The following PRRC2C variants were observed in gnomAD, a reference collection of about 807,000 sequenced individuals.
PRRC2C encodes the protein proline rich coiled-coil 2C, also known as protein PRRC2C.
PRRC2C carries 72 observed loss-of-function variants against 317.2 expected under a neutral mutation model. The ratio of observed to expected loss-of-function variants is 0.23; its 90% CI spans 0.19 to 0.28. The LOEUF (loss-of-function observed/expected upper bound fraction) is 0.28. PRRC2C is among the 10% of genes least tolerant of loss of function. PRRC2C has a pLI of 1.00. For synonymous variants in PRRC2C, 1,296 were observed against 1,205.9 expected (o/e 1.07, Z -1.55); for missense variants, 3,074 against 3,459.7 (o/e 0.89, Z 2.80).
chr1:171,532,457 A>G lies in PRRC2C; in HGVS notation c.1369A>G (p.Ile457Val), dbSNP rs1228395876. 3 of 1,613,864 alleles carry G rather than the reference A, an allele frequency of 1.9e-6. No homozygotes were observed. The highest frequency in any genetic ancestry group is 1.1e-5 in the South Asian group (1 of 91,010). The change falls in exon 12 of 35, where the codon ATT becomes GTT. Residue 457 changes from isoleucine (I) to valine (V), a missense_variant. Coordinates refer to ENST00000647382, the MANE Select transcript of PRRC2C (RefSeq NM_001387844.1). ...GCAAAGACGAAGACAACAATCAGAAATTTCTGCAGCAGTAGAACGTGCTCG... is the reference window on the plus strand; with the variant it reads ...GCAAAGACGAAGACAACAATCAGAAGTTTCTGCAGCAGTAGAACGTGCTCG... ...WKQRRRQQSE[I>V]SAAVERARKR...
intron 22 of PRRC2C, among the ~76,000 whole-genome samples, chr1:171,567,459 A>G (rs925066118): frequency 5.9e-5 from 9 of 152,182 alleles, no homozygotes; most frequent in African/African-American, 9.7e-5. Flanking sequence ...GTTACATGCA[A>G]TTTTTTATAT....
At chr1:171,493,022 T>C (rs1667460762) in intron 1 of PRRC2C, among the ~76,000 whole-genome samples, 1 of 151,908 alleles carries the variant, frequency 6.6e-6, no homozygotes, top group African/African-American at 2.4e-5. Flanking sequence ...GTGCTGGGAT[T>C]ACAAGGCGTG....
intron 1 of PRRC2C, among the ~76,000 whole-genome samples, chr1:171,499,512 C>T (rs138211788): frequency 6.2e-4 from 94 of 152,212 alleles, no homozygotes; most frequent in African/African-American, 1.7e-3. Flanking sequence ...AGAGATGGGC[C>T]GGGCACGGTG....
intron 1 of PRRC2C, among the ~76,000 whole-genome samples, chr1:171,486,198 T>G (rs956585100): frequency 1.3e-5 from 2 of 149,878 alleles, no homozygotes; most frequent in African/African-American, 4.9e-5. Context: ...TACCTCTTCC[T>G]GTGTAGTGAG....
At chr1:171,562,098 G>C (rs1274846984) in intron 20 of PRRC2C, among the ~76,000 whole-genome samples, 1 of 152,166 alleles carries the variant, frequency 6.6e-6, no homozygotes, top group East Asian at 1.9e-4. Flanking sequence ...TTTAATATAG[G>C]GTGACCACGA....
At chr1:171,577,924 C>G (rs961372479) in intron 26 of PRRC2C, among the ~76,000 whole-genome samples, 2 of 148,720 alleles carry the variant, frequency 1.3e-5, no homozygotes, top group African/African-American at 2.5e-5. Context: ...GCCACAGGAG[C>G]ACACCACCAC....
chr1:171,535,534 T>C lies in PRRC2C; in HGVS notation c.1980T>C (p.Ala660=). The C allele has an allele frequency of 1.2e-6, 2 of 1,614,036 alleles. No homozygotes were observed. The highest frequency in any genetic ancestry group is 1.7e-6 in the Non-Finnish European group (2 of 1,179,886). ...EPESGSQPRP[A]VLSGYFKQFQ... ...AATCAGGGTCTCAACCTCGGCCGGC[T>C]GTATTATCTGGCTATTTCAAACAGT... Residue 660 remains alanine (A), a synonymous_variant, in exon 13 of 35, where the codon GCT becomes GCC. Coordinates refer to ENST00000647382, the MANE Select transcript of PRRC2C (RefSeq NM_001387844.1).
chr1:171,527,913 A>G lies in PRRC2C; in HGVS notation c.1254+69A>G, dbSNP rs945916954. 3 of 1,326,000 alleles carry G rather than the reference A, an allele frequency of 2.3e-6. No individual in the cohort carries two copies. In the African/African-American group the frequency reaches 4.4e-5, roughly 20 times the overall value. 82.1% of individuals were successfully genotyped at this position (1,326,000 alleles called of 1,614,324 possible). A position where few individuals can be genotyped will look rare whatever the true frequency, so the allele number is the denominator to read the frequency against. ...CCTTTTGTTTTGGTGGAAAGACACC[A>G]AATTTTTTATTCAAAACTTTTATGA... On this transcript the variant is annotated intron_variant, in intron 11 of 34. Transcript: ENST00000647382.
intron 17 of PRRC2C, among the ~76,000 whole-genome samples, chr1:171,547,806 G>A (rs1009676548): frequency 6.6e-6 from 1 of 151,852 alleles, no homozygotes; most frequent in South Asian, 2.1e-4. Flanking sequence ...ACCATGCCCA[G>A]CTAATTTTTT....
intron 15 of PRRC2C, among the ~76,000 whole-genome samples, chr1:171,538,942 G>A (rs550475744): frequency 6.6e-6 from 1 of 151,498 alleles, no homozygotes; most frequent in South Asian, 2.1e-4. Context: ...AACTCCTGGG[G>A]CCCTAGTGAT....
intron 5 of PRRC2C, among the ~76,000 whole-genome samples, chr1:171,516,314 G>A (rs4916394): frequency 0.81 from 122,614 of 152,164 alleles, 49,527 homozygotes; most frequent in Middle Eastern, 0.9. Context: ...AAATAAAAGT[G>A]TAAAATGTTC....
Position 171,557,923 on chromosome 1 carries a change from G to T in PRRC2C, c.5811G>T (p.Gln1937His), listed in dbSNP as rs1262748954. ...APPAPAQTQA[Q>H]THKPVQNPLQ... ...CTGCCCCAGCCCAGACTCAGGCACA[G>T]ACCCACAAACCAGTCCAGAATCCAC... Residue 1937 changes from glutamine to histidine, a missense_variant, in exon 19 of 35, where the codon CAG (glutamine) becomes CAT (histidine). Coordinates refer to ENST00000647382, the MANE Select transcript of PRRC2C (RefSeq NM_001387844.1). The T allele has an allele frequency of 3.9e-6, 6 of 1,534,592 alleles. No homozygotes were observed. The highest frequency in any genetic ancestry group is 2.0e-5 in the Admixed American group (1 of 50,514).
chr1:171,542,679 C>T (rs1217529818), intron 16 of PRRC2C, among the ~76,000 whole-genome samples: 1 of 152,194 alleles, frequency 6.6e-6, no homozygotes, highest in Non-Finnish European at 1.5e-5. Context: ...GTTCTACTAC[C>T]AAGGACACCA....
rs778136631 is a variant in PRRC2C at position 171,591,699 on chromosome 1, A to G, written c.8549A>G (p.Lys2850Arg). 11 of 1,613,738 alleles carry G rather than the reference A, an allele frequency of 6.8e-6. No homozygotes were observed. Among genetic ancestry groups the G allele is most frequent in the Admixed American group, 1.7e-5 (1 of 59,976 alleles). Residue 2850 changes from lysine (K) to arginine (R), a missense_variant, in exon 35 of 35, where the codon AAA (lysine) becomes AGA (arginine). Physicochemically the swap from Lys to Arg is conservative, Grantham distance 26 (BLOSUM62 2). Transcript: ENST00000647382. ...KAQKVDSDSSKPPETLTDPPG... is the reference protein window; with the variant it reads ...KAQKVDSDSSRPPETLTDPPG... ...CAGAAAGTGGACAGTGATTCAAGTA[A>G]ACCTCCTGAAACACTGACCGACCCT...
chr1:171,562,246 G>C (rs888600282), intron 20 of PRRC2C, among the ~76,000 whole-genome samples: 3 of 152,170 alleles, frequency 2.0e-5, no homozygotes, highest in African/African-American at 4.8e-5. Flanking sequence ...CACTTGGTTT[G>C]TTTGAGGAAG....
intron 1 of PRRC2C, among the ~76,000 whole-genome samples, chr1:171,506,364 T>G (rs1469277754): frequency 6.6e-6 from 1 of 152,264 alleles, no homozygotes; most frequent in Admixed American, 6.5e-5. Context: ...CTTGTTACTT[T>G]TAAGATTTTC....
intron 17 of PRRC2C, among the ~76,000 whole-genome samples, chr1:171,546,772 T>C (rs1679192973): frequency 6.6e-6 from 1 of 151,692 alleles, no homozygotes; most frequent in Non-Finnish European, 1.5e-5. Flanking sequence ...AGCTAATTTA[T>C]TATTATTATT....
At chr1:171,576,612 G>T (rs933645718) in intron 25 of PRRC2C, among the ~76,000 whole-genome samples, 2 of 152,020 alleles carry the variant, frequency 1.3e-5, no homozygotes, top group Non-Finnish European at 2.9e-5. Context: ...TATTTAATTT[G>T]TTTTAAAGGT....
chr1:171,568,516 GTTTTT>G (rs1323417151), intron 23 of PRRC2C, among the ~76,000 whole-genome samples, 177 bp downstream of exon 23: 2 of 152,162 alleles, frequency 1.3e-5, no homozygotes, highest in Non-Finnish European at 2.9e-5. Flanking sequence ...TCAAAGCTGA[GTTTTT>G]TATTTTTCCT....
Sources: gnomAD v4.1 joint callset for allele counts (sites outside exome capture counted in the v4.1 genomes callset) on GRCh38, gnomAD v4.1.1 for gene constraint, MANE v1.5 for transcripts, NCBI Gene and HGNC (gene_info 2026-07-23, HGNC 2026-07-21) for gene names.